Variants in PTPRD observed in about 807,000 individuals in gnomAD.
PTPRD encodes the protein receptor-type tyrosine-protein phosphatase delta.
In PTPRD, 34 loss-of-function variants were observed where a neutral mutation model predicts 214.5. That is an observed-to-expected ratio of 0.16 (90% CI 0.12 to 0.21). The LOEUF (loss-of-function observed/expected upper bound fraction) is 0.21. Among genes scored for constraint, PTPRD ranks in the 10% least tolerant of loss-of-function variants. The probability of loss-of-function intolerance (pLI) is 1.00; values close to 1 mark genes in which losing one functional copy is unlikely to be tolerated. For synonymous variants in PTPRD, 1,128 were observed against 845.7 expected (o/e 1.33, Z -5.79); for missense variants, 2,545 against 2,398.7 (o/e 1.06, Z -1.27).
chr9:9,910,967 G>A (rs748390531), intron 5 of PTPRD, among the ~76,000 whole-genome samples: 7 of 139,624 alleles, frequency 5.0e-5, no homozygotes, highest in Non-Finnish European at 1.1e-4. Flanking sequence ...GAAACTACTT[G>A]CTTTGGTTTG....
intron 8 of PTPRD, among the ~76,000 whole-genome samples, chr9:9,467,254 G>GT (rs554998546): frequency 0.063 from 4,364 of 69,320 alleles, 284 homozygotes; most frequent in African/African-American, 0.21. Flanking sequence ...ATGCTTCCCA[G>GT]TTTTTTTTTT....
intron 5 of PTPRD, among the ~76,000 whole-genome samples, chr9:9,807,267 C>G (rs1311234632): frequency 6.6e-6 from 1 of 152,064 alleles, no homozygotes; most frequent in Non-Finnish European, 1.5e-5. Context: ...GTGGAAGATA[C>G]CCTACAAATG....
At chr9:9,006,060 G>C (rs1326094053) in intron 11 of PTPRD, among the ~76,000 whole-genome samples, 1 of 151,834 alleles carries the variant, frequency 6.6e-6, no homozygotes, top group African/African-American at 2.4e-5. Context: ...AGAACAAAAT[G>C]CATCAATGAA....
intron 2 of PTPRD, among the ~76,000 whole-genome samples, chr9:10,514,722 C>A (rs192988672): frequency 1.3e-5 from 2 of 151,746 alleles, no homozygotes; most frequent in African/African-American, 4.8e-5. Flanking sequence ...ATTATACAGA[C>A]TAGATAAATT....
At chr9:9,484,671 T>A (rs72704689) in intron 8 of PTPRD, among the ~76,000 whole-genome samples, 4,576 of 152,240 alleles carry the variant, frequency 0.03, 94 homozygotes, top group Middle Eastern at 0.17. Context: ...ACACTGTTAT[T>A]GGGCCCATTT....
chr9:9,870,317 A>G (rs1008953436), intron 5 of PTPRD, among the ~76,000 whole-genome samples: 3 of 152,020 alleles, frequency 2.0e-5, no homozygotes, highest in African/African-American at 7.2e-5. Context: ...CTTCTTCAAA[A>G]TCTCAATGGA....
chr9:8,453,877 G>T (rs546644553), intron 33 of PTPRD, among the ~76,000 whole-genome samples: 5 of 152,242 alleles, frequency 3.3e-5, no homozygotes, highest in Admixed American at 2.0e-4. Flanking sequence ...ACTGGAATAT[G>T]GCATTGGGAG....
chr9:8,861,745 A>T (rs1044614738), intron 11 of PTPRD: 9 of 152,240 alleles, frequency 5.9e-5, no homozygotes, highest in African/African-American at 2.2e-4. Context: ...TGTGAGGACT[A>T]CTGGGGTTTT....
chr9:9,619,041 A>T (rs916489066), intron 7 of PTPRD, among the ~76,000 whole-genome samples: 14 of 152,124 alleles, frequency 9.2e-5, no homozygotes, highest in African/African-American at 3.1e-4. Flanking sequence ...GAAAAAGAAT[A>T]AAAAAATATG....
chr9:8,710,387 C>T (rs1022346196), intron 12 of PTPRD, among the ~76,000 whole-genome samples: 6 of 152,038 alleles, frequency 3.9e-5, no homozygotes, highest in Non-Finnish European at 7.4e-5. Context: ...GAAGCCAAGG[C>T]GGTGGGTCAC....
intron 8 of PTPRD, among the ~76,000 whole-genome samples, chr9:9,449,856 C>A (rs2145136240): frequency 6.6e-6 from 1 of 151,890 alleles, no homozygotes; most frequent in Admixed American, 6.6e-5. Context: ...ACACTATATA[C>A]AATGTGTGGT....
intron 9 of PTPRD, among the ~76,000 whole-genome samples, chr9:9,235,738 A>G (rs555920119): frequency 6.6e-6 from 1 of 152,332 alleles, no homozygotes; most frequent in Non-Finnish European, 1.5e-5. Flanking sequence ...TTCTGCCTCC[A>G]GAATCTTGTC....
rs556718147 is a variant in PTPRD, at chr9:10,227,545, G to A, written c.-545+113418C>T. Among the ~76,000 whole-genome samples the A allele has an allele frequency of 2.7e-4, 41 of 151,994 alleles. No homozygotes were observed. The South Asian group carries it at 6.6e-3, about 25-fold the overall frequency. ...ATCACTTCCCTTAACTGCATTGCCC[G>A]TTTGTCTCTACTTCCAGGCTAGATA... On this transcript the variant is annotated intron_variant, in intron 3 of 45. Transcript: ENST00000381196.
chr9:8,449,196 G>T (rs1043662652), intron 34 of PTPRD, among the ~76,000 whole-genome samples: 2 of 152,134 alleles, frequency 1.3e-5, no homozygotes, highest in Admixed American at 6.5e-5. Context: ...AGCCTGAAGT[G>T]ATCAGTGAAA....
chr9:9,385,696 G>A (rs1417483818), intron 9 of PTPRD, among the ~76,000 whole-genome samples: 1 of 152,010 alleles, frequency 6.6e-6, no homozygotes, highest in Non-Finnish European at 1.5e-5. Flanking sequence ...CTGGGTAAGG[G>A]AACACCCATT....
chr9:9,385,663 G>A (rs2063648939), intron 9 of PTPRD, among the ~76,000 whole-genome samples: 1 of 152,140 alleles, frequency 6.6e-6, no homozygotes, highest in African/African-American at 2.4e-5. Flanking sequence ...ATACAGGCAA[G>A]AAGAATGATC....
intron 3 of PTPRD, among the ~76,000 whole-genome samples, chr9:10,213,429 T>G (rs1206857547): frequency 6.6e-6 from 1 of 152,094 alleles, no homozygotes; most frequent in African/African-American, 2.4e-5. Context: ...GCCTCCTTCA[T>G]GTTCTGTCTT....
intron 2 of PTPRD, among the ~76,000 whole-genome samples, chr9:10,548,535 A>G (rs543805458): frequency 6.6e-6 from 1 of 152,206 alleles, no homozygotes; most frequent in East Asian, 1.9e-4. Flanking sequence ...AAAGTGAAAC[A>G]TCTGAAAGAC....
intron 5 of PTPRD, among the ~76,000 whole-genome samples, chr9:9,908,729 A>C (rs1054006192): frequency 6.6e-6 from 1 of 152,008 alleles, no homozygotes; most frequent in African/African-American, 2.4e-5. Flanking sequence ...TGCTTAATAT[A>C]TCAAGTATTT....
Sources: gnomAD v4.1 joint callset for allele counts (sites outside exome capture counted in the v4.1 genomes callset) on GRCh38, gnomAD v4.1.1 for gene constraint, MANE v1.5 for transcripts, NCBI Gene and HGNC (gene_info 2026-07-23, HGNC 2026-07-21) for gene names.